The following GPR176 variants were observed in gnomAD, a reference collection of about 807,000 sequenced individuals.
GPR176 encodes G-protein coupled receptor 176.
Under a neutral mutation model 35.4 loss-of-function variants are expected in GPR176, and 26 were observed. The observed-to-expected ratio is 0.74, with a 90% confidence interval of 0.54 to 1.02. The LOEUF (loss-of-function observed/expected upper bound fraction) is 1.02. GPR176 is among the 50% of genes least tolerant of loss of function. The pLI is 0.00. For synonymous variants in GPR176, 278 were observed against 271.3 expected, an observed-to-expected ratio of 1.02 and a Z score of -0.24; for missense variants, 597 against 665.3, an observed-to-expected ratio of 0.90 and a Z score of 1.13.
intron 1 of GPR176, among the ~76,000 whole-genome samples, chr15:39,846,719 A>G (rs2030455485): frequency 6.6e-6 from 1 of 152,184 alleles, no homozygotes; most frequent in Admixed American, 6.5e-5. Flanking sequence ...TCAAGCCAGA[A>G]TTGAATATCC....
intron 1 of GPR176, among the ~76,000 whole-genome samples, chr15:39,847,090 T>C (rs1296921130): frequency 6.6e-6 from 1 of 152,128 alleles, no homozygotes; most frequent in East Asian, 1.9e-4. Flanking sequence ...TGATAAGTTA[T>C]ATGTGTTTAA....
At chr15:39,853,547 C>T (rs1420796960) in intron 1 of GPR176, among the ~76,000 whole-genome samples, 1 of 152,152 alleles carries the variant, frequency 6.6e-6, no homozygotes, top group African/African-American at 2.4e-5. Context: ...AAGATGGTAA[C>T]TTTTATGTTA....
At chr15:39,820,737 C>T (rs1900216801) in intron 1 of GPR176, among the ~76,000 whole-genome samples, 1 of 152,176 alleles carries the variant, frequency 6.6e-6, no homozygotes, top group South Asian at 2.1e-4. Context: ...AGAAACAACA[C>T]CTTTTGGAAA....
chr15:39,901,247 T>C (rs1446209199), intron 1 of GPR176, among the ~76,000 whole-genome samples: 1 of 152,240 alleles, frequency 6.6e-6, no homozygotes, highest in Non-Finnish European at 1.5e-5. Flanking sequence ...TCCTGCCTTT[T>C]TGAATAAATA....
chr15:39,823,719 A>C (rs275721), intron 1 of GPR176, among the ~76,000 whole-genome samples: 82,830 of 151,930 alleles, frequency 0.55, 23,197 homozygotes, highest in African/African-American at 0.66. Flanking sequence ...AAAGGGAAAA[A>C]CCAAAAGTCT....
At chr15:39,887,375 A>T (rs2032709393) in intron 1 of GPR176, among the ~76,000 whole-genome samples, 2 of 152,194 alleles carry the variant, frequency 1.3e-5, no homozygotes, top group Admixed American at 1.3e-4. Context: ...CATAAATGGA[A>T]CAATGCATAT....
At chr15:39,854,397 G>A (rs1352166743) in intron 1 of GPR176, among the ~76,000 whole-genome samples, 2 of 152,220 alleles carry the variant, frequency 1.3e-5, no homozygotes, top group East Asian at 3.9e-4. Flanking sequence ...ATCATAAGGA[G>A]TGGAAATTTC....
At chr15:39,839,066 T>C (rs1040283707) in intron 1 of GPR176, among the ~76,000 whole-genome samples, 4 of 152,114 alleles carry the variant, frequency 2.6e-5, no homozygotes. Context: ...CTGCCCAAGG[T>C]AATTTATAGA....
At chr15:39,839,328 T>C (rs1183403233) in intron 1 of GPR176, among the ~76,000 whole-genome samples, 1 of 151,946 alleles carries the variant, frequency 6.6e-6, no homozygotes, top group Non-Finnish European at 1.5e-5. Context: ...ATACCACACA[T>C]CTACAACCAT....
intron 1 of GPR176, among the ~76,000 whole-genome samples, chr15:39,847,310 A>C (rs541956991): frequency 9.1e-4 from 139 of 152,204 alleles, no homozygotes; most frequent in Non-Finnish European, 1.7e-3. Flanking sequence ...GTCCAAATAC[A>C]GCAATTAAAA....
chr15:39,885,930 A>G (rs76450060), intron 1 of GPR176, among the ~76,000 whole-genome samples: 1,901 of 152,320 alleles, frequency 0.012, 50 homozygotes, highest in African/African-American at 0.041. Context: ...TAAACAATGC[A>G]TCTTTAGAAA....
chr15:39,868,244 T>G (rs1319225192), intron 1 of GPR176, among the ~76,000 whole-genome samples: 1 of 152,160 alleles, frequency 6.6e-6, no homozygotes, highest in African/African-American at 2.4e-5. Flanking sequence ...TCCAGGCTCT[T>G]GGAGTCCTTG....
At chr15:39,825,691 G>T (rs1179041282) in intron 1 of GPR176, among the ~76,000 whole-genome samples, 1 of 151,994 alleles carries the variant, frequency 6.6e-6, no homozygotes, top group Non-Finnish European at 1.5e-5. Flanking sequence ...TTATATCTGT[G>T]ATATTGATTT....
chr15:39,828,497 T>C (rs969804135), intron 1 of GPR176, among the ~76,000 whole-genome samples: 1 of 152,086 alleles, frequency 6.6e-6, no homozygotes, highest in Non-Finnish European at 1.5e-5. Flanking sequence ...AAGCACTGAG[T>C]TGGCCCTCTG....
intron 1 of GPR176, among the ~76,000 whole-genome samples, chr15:39,876,844 G>A (rs1306310809): frequency 1.3e-5 from 2 of 151,864 alleles, no homozygotes; most frequent in Non-Finnish European, 2.9e-5. Context: ...GAGGGAGAGA[G>A]GGAGGGAGGG....
intron 1 of GPR176, among the ~76,000 whole-genome samples, chr15:39,890,482 C>T (rs996141439): frequency 6.6e-6 from 1 of 152,210 alleles, no homozygotes; most frequent in African/African-American, 2.4e-5. Flanking sequence ...GCCTTAGGCG[C>T]AGACCACTGG....
chr15:39,856,665 T>C (rs1438376519), intron 1 of GPR176, among the ~76,000 whole-genome samples: 2 of 152,228 alleles, frequency 1.3e-5, no homozygotes, highest in African/African-American at 4.8e-5. Flanking sequence ...AAAGGCAAGA[T>C]AATAATGCCG....
chr15:39,809,344 C>A (rs1231769174), intron 1 of GPR176, among the ~76,000 whole-genome samples: 1 of 152,130 alleles, frequency 6.6e-6, no homozygotes, highest in Non-Finnish European at 1.5e-5. Context: ...AGCACCCATA[C>A]CCAATACCCA....
intron 1 of GPR176, among the ~76,000 whole-genome samples, chr15:39,916,591 G>A (rs924586906): frequency 1.3e-5 from 2 of 151,830 alleles, no homozygotes; most frequent in Non-Finnish European, 2.9e-5. Context: ...ATGGTCCTCT[G>A]GAAATCCCAA....
Sources: allele counts gnomAD v4.1 joint callset (sites outside exome capture counted in the v4.1 genomes callset), GRCh38; gene constraint gnomAD v4.1.1; transcripts MANE v1.5; gene names NCBI Gene and HGNC (gene_info 2026-07-23, HGNC 2026-07-21).